The following TMC1 variants were observed in gnomAD, a reference collection of about 807,000 sequenced individuals.
TMC1 encodes the protein transmembrane channel like 1.
TMC1 carries 84 observed loss-of-function variants against 105.8 expected under a neutral mutation model. That is an observed-to-expected ratio of 0.79 (90% CI 0.67 to 0.95). The LOEUF is 0.95. TMC1 is among the 40% of genes least tolerant of loss of function. The pLI is 0.00. For synonymous variants in TMC1, 315 were observed against 311.5 expected, an observed-to-expected ratio of 1.01 and a Z score of -0.12; for missense variants, 817 against 914.1, an observed-to-expected ratio of 0.89 and a Z score of 1.37.
intron 2 of TMC1, among the ~76,000 whole-genome samples, chr9:72,594,450 T>C (rs528812695): frequency 2.6e-5 from 4 of 152,222 alleles, no homozygotes; most frequent in Admixed American, 2.6e-4. Context: ...GAGGGCAACT[T>C]TCTTAAATAA....
intron 5 of TMC1, among the ~76,000 whole-genome samples, chr9:72,683,031 A>C (rs1396364421): frequency 1.3e-5 from 2 of 152,176 alleles, no homozygotes; most frequent in African/African-American, 4.8e-5. Flanking sequence ...CAGCAAAGGG[A>C]AAGTCTGCGC....
At chr9:72,601,100 T>G (rs913866146) in intron 2 of TMC1, among the ~76,000 whole-genome samples, 2 of 151,944 alleles carry the variant, frequency 1.3e-5, no homozygotes, top group Admixed American at 6.6e-5. Flanking sequence ...TCTGGGAGGC[T>G]GAGGCAGGAG....
chr9:72,614,499 C>G (rs983606399), intron 2 of TMC1, among the ~76,000 whole-genome samples: 1 of 152,084 alleles, frequency 6.6e-6, no homozygotes, highest in South Asian at 2.1e-4. Flanking sequence ...ATGAGGGACA[C>G]GTCTTGAGAA....
rs78737209 is a variant in TMC1 at position 72,809,891 on chromosome 9, G to T, written c.1695+4381G>T. 1.2e-4 allele frequency among the ~76,000 whole-genome samples: 18 copies of T among 152,022 alleles called. No homozygotes were observed. In the South Asian group the frequency reaches 3.3e-3, roughly 28 times the overall value. ...CCACTCTTTTCTCTTACAAGCTCCC[G>T]ATATAAATAGAGAAATCAATTGTAT... On this transcript the variant is annotated intron_variant, in intron 18 of 23. Transcript: ENST00000297784.
intron 4 of TMC1, among the ~76,000 whole-genome samples, chr9:72,640,362 G>T (rs1277879018): frequency 6.6e-6 from 1 of 152,104 alleles, no homozygotes; most frequent in Non-Finnish European, 1.5e-5. Context: ...TGATGCAAAG[G>T]CTCCAGTGTA....
intron 13 of TMC1, among the ~76,000 whole-genome samples, chr9:72,773,356 C>T (rs1827961255): frequency 6.6e-6 from 1 of 152,078 alleles, no homozygotes; most frequent in Admixed American, 6.6e-5. Context: ...TGTAGGAGGT[C>T]CCTCAGCCTG....
At chr9:72,810,149 A>C (rs1347034812) in intron 18 of TMC1, among the ~76,000 whole-genome samples, 2 of 151,836 alleles carry the variant, frequency 1.3e-5, no homozygotes, top group African/African-American at 4.8e-5. Context: ...AAAAAAAAAA[A>C]AAAAAAACTA....
intron 2 of TMC1, chr9:72,607,968 C>T (rs1410423059): frequency 6.6e-6 from 1 of 152,138 alleles, no homozygotes; most frequent in African/African-American, 2.4e-5. Flanking sequence ...ATTTGGACTT[C>T]ATTGTGTGGT....
At chr9:72,548,456 C>T (rs909887942) in intron 1 of TMC1, among the ~76,000 whole-genome samples, 31 of 151,992 alleles carry the variant, frequency 2.0e-4, no homozygotes, top group African/African-American at 7.0e-4. Flanking sequence ...CGCCTGTAAT[C>T]CCAGCTACTT....
intron 1 of TMC1, among the ~76,000 whole-genome samples, chr9:72,532,585 A>C (rs1402685710): frequency 1.6e-5 from 2 of 122,088 alleles, no homozygotes; most frequent in South Asian, 2.8e-4. Context: ...AAAAAAAAAA[A>C]AACTTTACCG....
intron 4 of TMC1, among the ~76,000 whole-genome samples, chr9:72,631,678 G>A (rs888477419): frequency 2.0e-5 from 3 of 152,166 alleles, no homozygotes; most frequent in Admixed American, 1.3e-4. Flanking sequence ...GCAAGTTGAG[G>A]GGGGAAGCAG....
chr9:72,545,163 T>C (rs1029807680), intron 1 of TMC1, among the ~76,000 whole-genome samples: 43 of 149,286 alleles, frequency 2.9e-4, no homozygotes, highest in African/African-American at 9.8e-4. Flanking sequence ...CACACACACA[T>C]ATATACACAC....
rs140273783 is a variant in TMC1, at chr9:72,627,046, T to TGG, written c.-195-873_-195-872dup. ...ATGTTGTTGGTTTTTTTTTTTTTTT[T>TGG]GGGTCTGTCATTATAGTAATAACTT... is the stretch of plus-strand genomic sequence containing the variant. On this transcript the variant is annotated intron_variant, in intron 3 of 23. Coordinates refer to ENST00000297784, the MANE Select transcript of TMC1 (RefSeq NM_138691.3). 1.6e-3 allele frequency among the ~76,000 whole-genome samples: 243 copies of TGG among 149,368 alleles called. 1 individual carries two copies. Among genetic ancestry groups the TGG allele is most frequent in the African/African-American group, 5.6e-3 (226 of 40,592 alleles).
rs186246567 is a variant in TMC1, at chr9:72,557,472, G to T, written c.-427-20430G>T. Among the ~76,000 whole-genome samples, 218 of 152,276 alleles carry T rather than the reference G, an allele frequency of 1.4e-3. 2 individuals carry two copies. The highest frequency in any genetic ancestry group is 5.1e-3 in the African/African-American group (210 of 41,564). On this transcript the variant is annotated intron_variant, in intron 1 of 23. Coordinates refer to ENST00000297784, the MANE Select transcript of TMC1 (RefSeq NM_138691.3). The stretch of plus-strand genomic sequence containing the variant: ...TCTCTACTGTTCTAAAAAACTTTCT[G>T]TTCTTTCCAAATGTTTAATATTGAG...
Position 72,836,220 on chromosome 9 carries a change from C to CT in TMC1, c.*262dup, listed in dbSNP as rs71495343. 52,062 of 433,158 alleles carry CT rather than the reference C, an allele frequency of 0.12. 235 individuals are homozygous for CT. The highest frequency in any genetic ancestry group is 0.13 in the Non-Finnish European group (31,042 of 243,034). The allele number at this position is 433,158 out of a possible 1,614,324, so 26.8% of individuals were successfully genotyped here. A position where few individuals can be genotyped will look rare whatever the true frequency, so the allele number is the denominator to read the frequency against. The stretch of plus-strand genomic sequence containing the variant: ...CTCTCTCCCCTGCTCCATTTCGTGA[C>CT]TTTTTTTTTTTTTTTAACAAATTGA... On this transcript the variant is annotated 3_prime_UTR_variant, in exon 24 of 24. Transcript: ENST00000297784.
At position 72,567,369 on chromosome 9, in the gene TMC1, C is replaced by CCT. The variant is rs1050972044; in HGVS notation, c.-427-10530_-427-10529dup. ...CTCAGATATTTACACCCATCTTCCC[C>CCT]CTCTGTGAAGGGAATAAATGGATAT... On this transcript the variant is annotated intron_variant, in intron 1 of 23. Transcript: ENST00000297784. Among the ~76,000 whole-genome samples, 6 of 152,010 alleles carry CCT rather than the reference C, an allele frequency of 3.9e-5. No homozygotes were observed. The East Asian group carries it at 1.2e-3, about 29-fold the overall frequency.
Position 72,806,071 on chromosome 9 carries a change from G to C in TMC1, c.1695+561G>C, listed in dbSNP as rs185263698. ...AATGAGCTGTTGGGCACACCTCCCA[G>C]ACGGGGTGGTGGCCGGGCAGAGGGG... On this transcript the variant is annotated intron_variant, in intron 18 of 23. Transcript: ENST00000297784. 5.6e-3 allele frequency among the ~76,000 whole-genome samples: 858 copies of C among 151,990 alleles called. 5 individuals carry two copies. The highest frequency in any genetic ancestry group is 0.02 in the African/African-American group (821 of 41,446).
chr9:72,689,950 TA>T (rs1826437553), intron 6 of TMC1, among the ~76,000 whole-genome samples: 1 of 152,112 alleles, frequency 6.6e-6, no homozygotes. Flanking sequence ...CACTTAAATT[TA>T]AAGTTATTAT....
At chr9:72,646,823 CTTTATT>C (rs1825720266) in intron 4 of TMC1, among the ~76,000 whole-genome samples, 1 of 151,884 alleles carries the variant, frequency 6.6e-6, no homozygotes, top group East Asian at 1.9e-4. Flanking sequence ...TAAAACAGTT[CTTTATT>C]TTTGATACTA....
Sources: allele counts gnomAD v4.1 joint callset (sites outside exome capture counted in the v4.1 genomes callset), GRCh38; gene constraint gnomAD v4.1.1; transcripts MANE v1.5; gene names NCBI Gene and HGNC (gene_info 2026-07-23, HGNC 2026-07-21).